The following CARD10 variants were observed in gnomAD, a reference collection of about 807,000 sequenced individuals.
The protein encoded by CARD10 is caspase recruitment domain-containing protein 10.
Under a neutral mutation model 114.6 loss-of-function variants are expected in CARD10, and 49 were observed. The ratio of observed to expected loss-of-function variants is 0.43; its 90% CI spans 0.34 to 0.54. The LOEUF (loss-of-function observed/expected upper bound fraction) is 0.54. Ranked by LOEUF, CARD10 falls within the 20% of genes least tolerant of loss-of-function variation. The pLI, the probability that CARD10 is intolerant of heterozygous loss-of-function variation, is 0.03. For synonymous variants in CARD10, 602 were observed against 593.2 expected (o/e 1.01, Z -0.21); for missense variants, 1,206 against 1,397.2 (o/e 0.86, Z 2.18).
At chr22:37,495,017 C>A (rs992046443) in intron 15 of CARD10, among the ~76,000 whole-genome samples, 33 of 152,002 alleles carry the variant, frequency 2.2e-4, no homozygotes, top group African/African-American at 8.0e-4. Flanking sequence ...GGCTGGAGTG[C>A]AGTGGCGCGA....
In CARD10 at chr22:37,501,929, C is replaced by T. The variant is rs1364509934; in HGVS notation, c.1787+673G>A. On this transcript the variant is annotated intron_variant, in intron 11 of 19. Transcript: ENST00000251973. The surrounding 1 kb of genome is among the most constrained non-coding windows in gnomAD (Gnocchi z 5.4). ...TTCCCCCTCGCTCCTCCTCCACAGT[C>T]ACCGGATGCTCTCCCTACCTGCCCT... Among the ~76,000 whole-genome samples the T allele has an allele frequency of 1.3e-5, 2 of 152,234 alleles. No homozygotes were observed. Among genetic ancestry groups the T allele is most frequent in the Non-Finnish European group, 2.9e-5 (2 of 68,044 alleles).
Position 37,519,241 on chromosome 22 carries a change from G to A in CARD10, c.-41C>T, listed in dbSNP as rs956851191. On this transcript the variant is annotated 5_prime_UTR_variant, in exon 1 of 20. Transcript: ENST00000251973. The surrounding 1 kb of genome is among the most constrained non-coding windows in gnomAD (Gnocchi z 4.1). Reference sequence around the variant, plus strand: ...GTCTGCGGGCAAGAGGCGCACGGGGGTCGACCAGGGCTCCCTAGGGCTAGA... The same window carrying A: ...GTCTGCGGGCAAGAGGCGCACGGGGATCGACCAGGGCTCCCTAGGGCTAGA... The A allele has an allele frequency of 2.7e-6, 4 of 1,468,702 alleles. No individual in the cohort carries two copies. Among genetic ancestry groups the A allele is most frequent in the South Asian group, 1.3e-5 (1 of 74,164 alleles). 91.0% of individuals were successfully genotyped at this position (1,468,702 alleles called of 1,614,324 possible).
At chr22:37,494,743 A>T (rs1922932439) in intron 15 of CARD10, among the ~76,000 whole-genome samples, 1 of 152,148 alleles carries the variant, frequency 6.6e-6, no homozygotes, top group South Asian at 2.1e-4. Context: ...CACTTTACAG[A>T]TGAGGAAACA....
At chr22:37,494,270 C>G (rs1397899238) in intron 15 of CARD10, 82 bp from the exon 16 acceptor site, 2 of 920,326 alleles carry the variant, frequency 2.2e-6, no homozygotes, top group Admixed American at 2.4e-5. Context: ...ACCCCTGGCA[C>G]AGCGGGCCCC....
intron 2 of CARD10, 92 bp downstream of exon 2, chr22:37,517,879 A>G: frequency 6.8e-7 from 1 of 1,472,866 alleles, no homozygotes; most frequent in Non-Finnish European, 9.1e-7. Flanking sequence ...ACTGTTCAAC[A>G]GGCATAGTGG....
Position 37,492,875 on chromosome 22 carries a change from A to C in CARD10, c.2477-73T>G. ...CATACCAGCTCGTCGATACCCCAAA[A>C]CCCACCCCGCCACCCATCCCTTCCT... On this transcript the variant is annotated intron_variant, in intron 16 of 19. Coordinates refer to ENST00000251973, the MANE Select transcript of CARD10 (RefSeq NM_014550.4). The surrounding 1 kb of genome is among the most constrained non-coding windows in gnomAD (Gnocchi z 5.7). 1 of 1,484,908 alleles carries C rather than the reference A, an allele frequency of 6.7e-7. No homozygotes were observed. Among genetic ancestry groups the C allele is most frequent in the Non-Finnish European group, 9.1e-7 (1 of 1,103,718 alleles). The allele number at this position is 1,484,908 out of a possible 1,614,324, so 92.0% of individuals were successfully genotyped here.
intron 2 of CARD10, among the ~76,000 whole-genome samples, chr22:37,517,106 G>A (rs758972214): frequency 1.4e-4 from 21 of 152,134 alleles, no homozygotes; most frequent in Non-Finnish European, 2.4e-4. Context: ...GCACAAAGAC[G>A]CACATACAAG....
At position 37,501,537 on chromosome 22, in the gene CARD10, T is replaced by C. The variant is rs1923214344; in HGVS notation, c.1787+1065A>G. On this transcript the variant is annotated intron_variant, in intron 11 of 19. Transcript: ENST00000251973. This position sits in a 1 kb window ranked among gnomAD's most constrained non-coding sequence, Gnocchi z 5.4. ...CTCCGGAGGCCAGAGGCCCTGGTCC[T>C]ATGCTGTACCCATCTGCTGCGTGAC... Among the ~76,000 whole-genome samples, 1 of 152,222 alleles carries C rather than the reference T, an allele frequency of 6.6e-6. No individual in the cohort carries two copies. The highest frequency in any genetic ancestry group is 1.5e-5 in the Non-Finnish European group (1 of 68,032).
chr22:37,517,453 T>A (rs1241230007), intron 2 of CARD10, among the ~76,000 whole-genome samples: 2 of 152,066 alleles, frequency 1.3e-5, no homozygotes, highest in Non-Finnish European at 2.9e-5. Context: ...CTGGCCAACA[T>A]GATGAAACCC....
intron 11 of CARD10, among the ~76,000 whole-genome samples, chr22:37,498,907 G>T (rs966076635): frequency 1.9e-5 from 1 of 52,358 alleles, no homozygotes; most frequent in African/African-American, 1.2e-4. Flanking sequence ...CTGGGGGGTG[G>T]GGGGGGGGGG....
rs766281367 is a variant in CARD10 at position 37,496,464 on chromosome 22, G to C, written c.2044C>G (p.Leu682Val). The C allele has an allele frequency of 3.6e-5, 58 of 1,612,960 alleles. No individual in the cohort carries two copies. The highest frequency in any genetic ancestry group is 4.8e-5 in the Non-Finnish European group (57 of 1,179,150). ...CCAGACTTACCCTTCGAGTCCATCA[G>C]GGAGGGGAGTGTGGACCCCTGATTC... ...LWNQGSTLPS[L>V]MDSKACQSFH... Residue 682 changes from leucine (L) to valine (V), a missense_variant, in exon 13 of 20, where the codon CTG becomes GTG. By Grantham distance (32) the Leu-to-Val change is conservative (BLOSUM62 1). Transcript: ENST00000251973. The surrounding 1 kb of genome is among the most constrained non-coding windows in gnomAD (Gnocchi z 4.1).
chr22:37,496,123 C>T lies in CARD10; in HGVS notation c.2060-120G>A. The T allele has an allele frequency of 2.3e-6, 3 of 1,276,920 alleles. No individual in the cohort carries two copies. Among genetic ancestry groups the T allele is most frequent in the South Asian group, 1.5e-5 (1 of 67,926 alleles). The allele number at this position is 1,276,920 out of a possible 1,614,324, so 79.1% of individuals were successfully genotyped here. A position where few individuals can be genotyped will look rare whatever the true frequency, so the allele number is the denominator to read the frequency against. On this transcript the variant is annotated intron_variant, in intron 13 of 19. Coordinates refer to ENST00000251973, the MANE Select transcript of CARD10 (RefSeq NM_014550.4). This position sits in a 1 kb window ranked among gnomAD's most constrained non-coding sequence, Gnocchi z 4.1. ...CGAGGCCTGAGTTCCCAGGACCCGA[C>T]CTTCACCTTCTTAGAATGACTTAGG... is the stretch of plus-strand genomic sequence containing the variant.
Position 37,490,876 on chromosome 22 carries a change from G to A in CARD10, c.*283C>T, listed in dbSNP as rs553018323. On this transcript the variant is annotated 3_prime_UTR_variant, in exon 20 of 20. Transcript: ENST00000251973. ...ACAGACTCCAGGGCGAGTGTTTAAG[G>A]AGAAGACACAGACACACATAAGACC... is the stretch of plus-strand genomic sequence containing the variant. The A allele has an allele frequency of 6.0e-6, 3 of 497,200 alleles. No individual in the cohort carries two copies. The highest frequency in any genetic ancestry group is 6.9e-5 in the East Asian group (2 of 29,164). 30.8% of individuals were successfully genotyped at this position (497,200 alleles called of 1,614,324 possible).
intron 16 of CARD10, among the ~76,000 whole-genome samples, 166 bp downstream of exon 16, chr22:37,493,920 G>A (rs1922897397): frequency 6.6e-6 from 1 of 152,170 alleles, no homozygotes. Flanking sequence ...TGGCAGGTGG[G>A]GTGGTCTTGT....
At chr22:37,491,933 C>A (rs140840150) in intron 18 of CARD10, 66 bp from the exon 19 acceptor site, 3 of 1,081,088 alleles carry the variant, frequency 2.8e-6, no homozygotes, top group Non-Finnish European at 4.2e-6. Flanking sequence ...ATGCGCTGCC[C>A]CCAGACGGGT....
rs1923254659 is a variant in CARD10, at chr22:37,502,608, A to C, written c.1781T>G (p.Leu594Arg). The C allele has an allele frequency of 1.2e-6, 2 of 1,613,602 alleles. No individual in the cohort carries two copies. Among genetic ancestry groups the C allele is most frequent in the South Asian group, 1.1e-5 (1 of 91,066 alleles). The change falls in exon 11 of 20, where the codon CTC becomes CGC. Residue 594 changes from leucine to arginine, a missense_variant. By Grantham distance (102) the Leu-to-Arg change is moderately radical. Around this residue, in one of 2 missense-constraint regions of CARD10, gnomAD observed 1,068 missense variants for 1,179.1 expected, o/e 0.91. Transcript: ENST00000251973. The part of the protein sequence containing the change: ...LLARGCGLDF[L>R]NRSLAIRVSG... ...CTGCAGGCAGCTACAGTACCTGTTG[A>C]GGAAGTCCAGGCCACAGCCCCGAGC... is the stretch of plus-strand genomic sequence containing the variant.
chr22:37,502,729 G>T lies in CARD10; in HGVS notation c.1664-4C>A. 6.2e-7 allele frequency: 1 copy of T among 1,612,354 alleles called. No homozygotes were observed. Among genetic ancestry groups the T allele is most frequent in the Non-Finnish European group, 8.5e-7 (1 of 1,179,316 alleles). On this transcript the variant is annotated splice_polypyrimidine_tract_variant and splice_region_variant and intron_variant, in intron 10 of 19. Coordinates refer to ENST00000251973, the MANE Select transcript of CARD10 (RefSeq NM_014550.4). ...CAGGGCTTAAGTGTCACACTCCCTGGGGAAAAAGAATGAGGTTCAGGGATC... is the reference window on the plus strand; with the variant it reads ...CAGGGCTTAAGTGTCACACTCCCTGTGGAAAAAGAATGAGGTTCAGGGATC...
chr22:37,496,514 T>C lies in CARD10; in HGVS notation c.1994A>G (p.Glu665Gly). ...AGLEGACLEA[E>G]AQQRTLLWNQ... ...CCAGAGCAAGGTTCTCTGCTGGGCC[T>C]CGGCTTCCAGGCACGCCCCCTCCAG... The change falls in exon 13 of 20, where the codon GAG becomes GGG. Residue 665 changes from glutamate to glycine, a missense_variant. Glu to Gly is a moderately conservative substitution (Grantham distance 98, BLOSUM62 -2). Transcript: ENST00000251973. The surrounding 1 kb of genome is among the most constrained non-coding windows in gnomAD (Gnocchi z 4.1). The C allele has an allele frequency of 1.2e-6, 2 of 1,613,838 alleles. No individual in the cohort carries two copies. Among genetic ancestry groups the C allele is most frequent in the Non-Finnish European group, 1.7e-6 (2 of 1,179,922 alleles).
intron 10 of CARD10, among the ~76,000 whole-genome samples, 188 bp downstream of exon 10, chr22:37,502,997 G>A (rs891750190): frequency 6.6e-6 from 1 of 152,250 alleles, no homozygotes; most frequent in Non-Finnish European, 1.5e-5. Context: ...GGCTCGGGGT[G>A]AGAGGCTGGA....
Sources: allele counts gnomAD v4.1 joint callset (sites outside exome capture counted in the v4.1 genomes callset), GRCh38; gene constraint gnomAD v4.1.1; regional missense constraint gnomAD v4.1.1; non-coding constraint Gnocchi (gnomAD v3.1); transcripts MANE v1.5; gene names NCBI Gene and HGNC (gene_info 2026-07-23, HGNC 2026-07-21).